Variants in TRAPPC9 observed in about 807,000 individuals in gnomAD.
The protein encoded by TRAPPC9 is trafficking protein particle complex subunit 9.
A neutral mutation model predicts 124.0 loss-of-function variants in TRAPPC9; 83 were observed. The ratio of observed to expected loss-of-function variants is 0.67; its 90% CI spans 0.56 to 0.80. The LOEUF is 0.80. Among genes scored for constraint, TRAPPC9 ranks in the 30% least tolerant of loss-of-function variants. The probability of loss-of-function intolerance (pLI) is 0.00; values close to 1 mark genes in which losing one functional copy is unlikely to be tolerated. For missense variants in TRAPPC9, 1,302 were observed against 1,508.3 expected, an observed-to-expected ratio of 0.86 and a Z score of 2.27; for synonymous variants, 638 against 617.5, an observed-to-expected ratio of 1.03 and a Z score of -0.49.
At chr8:140,105,928 T>G (rs2060655458) in intron 17 of TRAPPC9, among the ~76,000 whole-genome samples, 1 of 151,784 alleles carries the variant, frequency 6.6e-6, no homozygotes, top group Admixed American at 6.6e-5. Flanking sequence ...AGGGTCTGTC[T>G]CTCATCTTTC....
chr8:140,101,961 A>G (rs2060588914), intron 17 of TRAPPC9, among the ~76,000 whole-genome samples: 2 of 152,038 alleles, frequency 1.3e-5, no homozygotes, highest in Admixed American at 1.3e-4. Context: ...TGGTATATCA[A>G]TATTTCAGTT....
At chr8:140,443,619 A>T (rs894893135) in intron 2 of TRAPPC9, among the ~76,000 whole-genome samples, 1 of 151,820 alleles carries the variant, frequency 6.6e-6, no homozygotes, top group Non-Finnish European at 1.5e-5. Flanking sequence ...ATGCCAGAGC[A>T]GCTGGGCGCA....
chr8:139,800,140 T>G (rs1377166405), intron 21 of TRAPPC9, among the ~76,000 whole-genome samples: 1 of 152,240 alleles, frequency 6.6e-6, no homozygotes, highest in Admixed American at 6.5e-5. Flanking sequence ...CAGACTGCGC[T>G]CCTGCCGCTG....
chr8:140,112,592 A>C (rs1337377283), intron 17 of TRAPPC9, among the ~76,000 whole-genome samples: 1 of 152,198 alleles, frequency 6.6e-6, no homozygotes, highest in African/African-American at 2.4e-5. Context: ...CATCCTCTCA[A>C]GAGATCTATG....
intron 19 of TRAPPC9, among the ~76,000 whole-genome samples, chr8:139,917,643 G>A (rs952119262): frequency 1.3e-4 from 20 of 152,282 alleles, no homozygotes; most frequent in East Asian, 3.9e-4. Context: ...CAACAGGCTC[G>A]GTCGCCACCG....
intron 20 of TRAPPC9, among the ~76,000 whole-genome samples, chr8:139,899,221 C>A (rs1005168538): frequency 6.6e-6 from 1 of 151,982 alleles, no homozygotes; most frequent in Non-Finnish European, 1.5e-5. Flanking sequence ...GTGTCTACCG[C>A]CTACACAGTC....
At position 140,216,997 on chromosome 8, in the gene TRAPPC9, TGA is replaced by T. The variant is rs1244400572; in HGVS notation, c.2556+4460_2556+4461del. On this transcript the variant is annotated intron_variant, in intron 17 of 22. Coordinates refer to ENST00000438773, the MANE Select transcript of TRAPPC9 (RefSeq NM_001160372.4). The surrounding 1 kb of genome is among the most constrained non-coding windows in gnomAD (Gnocchi z 4.1). The stretch of plus-strand genomic sequence containing the variant: ...TAACACGGTCCTCAGTGGACAAGGC[TGA>T]GTTACTGGCTTGTATGACAGCCCCC... Among the ~76,000 whole-genome samples, 1 of 152,222 alleles carries T rather than the reference TGA, an allele frequency of 6.6e-6. No homozygotes were observed. Among genetic ancestry groups the T allele is most frequent in the African/African-American group, 2.4e-5 (1 of 41,464 alleles).
chr8:140,237,531 C>A (rs933949283), intron 16 of TRAPPC9, among the ~76,000 whole-genome samples: 1 of 151,888 alleles, frequency 6.6e-6, no homozygotes, highest in Non-Finnish European at 1.5e-5. Context: ...AGGAGCCAGG[C>A]AGTGTTTTTT....
chr8:139,996,157 G>GAAAAAAAAAAAAAAAAAAA (rs1587444987), intron 18 of TRAPPC9, among the ~76,000 whole-genome samples: 1 of 13,404 alleles, frequency 7.5e-5, no homozygotes, highest in Non-Finnish European at 1.4e-4. Context: ...AAAAACTTAA[G>GAAAAAAAAAAAAAAAAAAA]CAAAAAAAAA....
intron 17 of TRAPPC9, among the ~76,000 whole-genome samples, chr8:140,118,464 G>A (rs1276437855): frequency 6.6e-6 from 1 of 152,242 alleles, no homozygotes; most frequent in African/African-American, 2.4e-5. Flanking sequence ...ACCCTGTGAA[G>A]TCTCTTTCTA....
chr8:139,911,542 C>T (rs957600160), intron 19 of TRAPPC9, among the ~76,000 whole-genome samples: 7 of 151,646 alleles, frequency 4.6e-5, no homozygotes, highest in African/African-American at 1.7e-4. Flanking sequence ...CTATCTCTAC[C>T]AAAAATACAA....
intron 5 of TRAPPC9, among the ~76,000 whole-genome samples, chr8:140,405,996 G>A (rs1423219074): frequency 2.0e-5 from 3 of 152,114 alleles, no homozygotes; most frequent in Admixed American, 6.6e-5. Flanking sequence ...TGTCTTGAAG[G>A]CAATGGTGAA....
intron 7 of TRAPPC9, among the ~76,000 whole-genome samples, chr8:140,390,939 A>G (rs1159094579): frequency 2.6e-5 from 4 of 152,148 alleles, no homozygotes; most frequent in African/African-American, 9.7e-5. Flanking sequence ...CTGCATTCCT[A>G]CTACTTTCCC....
intron 19 of TRAPPC9, among the ~76,000 whole-genome samples, chr8:139,939,346 C>A (rs1406129945): frequency 6.6e-6 from 1 of 152,224 alleles, no homozygotes; most frequent in Non-Finnish European, 1.5e-5. Context: ...GCGTGGCGGG[C>A]AGGTGCCAGC....
intron 8 of TRAPPC9, among the ~76,000 whole-genome samples, chr8:140,367,123 G>C (rs2068137719): frequency 6.6e-6 from 1 of 152,164 alleles, no homozygotes; most frequent in African/African-American, 2.4e-5. Flanking sequence ...TTGCTGAAGG[G>C]GATGCAAAAT....
At chr8:140,078,921 T>C (rs1843656624) in intron 17 of TRAPPC9, among the ~76,000 whole-genome samples, 2 of 152,156 alleles carry the variant, frequency 1.3e-5, no homozygotes, top group Admixed American at 1.3e-4. Flanking sequence ...AGCTTTCCAG[T>C]GATATGGTTT....
chr8:140,012,721 A>T (rs1477628036), intron 18 of TRAPPC9, among the ~76,000 whole-genome samples: 1 of 151,746 alleles, frequency 6.6e-6, no homozygotes, highest in Non-Finnish European at 1.5e-5. Flanking sequence ...CTTTCTTCTC[A>T]CTCTGCCTGA....
At position 140,364,292 on chromosome 8, in the gene TRAPPC9, CAAAAAAAAA is replaced by C. The variant is rs34616334; in HGVS notation, c.1352-4108_1352-4100del. 3.4e-4 allele frequency among the ~76,000 whole-genome samples: 18 copies of C among 53,066 alleles called. 1 individual carries two copies. Among genetic ancestry groups the C allele is most frequent in the Non-Finnish European group, 2.1e-4 (5 of 23,424 alleles). 34.8% of individuals were successfully genotyped at this position (53,066 alleles called of 152,430 possible). A position where few individuals can be genotyped will look rare whatever the true frequency, so the allele number is the denominator to read the frequency against. On this transcript the variant is annotated intron_variant, in intron 8 of 22. Coordinates refer to ENST00000438773, the MANE Select transcript of TRAPPC9 (RefSeq NM_001160372.4). ...AGCCTGGAGTTATATTCAAAGGATG[CAAAAAAAAA>C]AAAAAAAAAAAGGAACCGAAAAGCA... is the stretch of plus-strand genomic sequence containing the variant.
At chr8:140,115,666 A>C (rs2060869232) in intron 17 of TRAPPC9, among the ~76,000 whole-genome samples, 1 of 152,184 alleles carries the variant, frequency 6.6e-6, no homozygotes, top group Non-Finnish European at 1.5e-5. Context: ...AGATGCAGTA[A>C]GGCCCAGCTG....
Sources: gnomAD v4.1 joint callset for allele counts (sites outside exome capture counted in the v4.1 genomes callset) on GRCh38, gnomAD v4.1.1 for gene constraint, Gnocchi (gnomAD v3.1) non-coding constraint, MANE v1.5 for transcripts, NCBI Gene and HGNC (gene_info 2026-07-23, HGNC 2026-07-21) for gene names.